The following COL11A1 variants were observed in gnomAD, a reference collection of about 807,000 sequenced individuals.
The protein encoded by COL11A1 is collagen type XI alpha 1 chain, also known as collagen alpha-1(XI) chain.
COL11A1 carries 74 observed loss-of-function variants against 265.2 expected under a neutral mutation model. That is an observed-to-expected ratio of 0.28 (90% CI 0.23 to 0.34). The LOEUF is 0.34. Among genes scored for constraint, COL11A1 ranks in the 10% least tolerant of loss-of-function variants. The pLI, the probability that COL11A1 is intolerant of heterozygous loss-of-function variation, is 1.00. For missense variants in COL11A1, 2,165 were observed against 2,263.6 expected (o/e 0.96, Z 0.88); for synonymous variants, 816 against 727.6 (o/e 1.12, Z -1.96).
At chr1:103,007,910 T>C (rs1665772660) in intron 15 of COL11A1, among the ~76,000 whole-genome samples, 1 of 150,036 alleles carries the variant, frequency 6.7e-6, no homozygotes, top group Non-Finnish European at 1.5e-5. Flanking sequence ...TTAAAGAGTA[T>C]GTAGCTTTGT....
chr1:102,930,274 C>A (rs1406223759), intron 46 of COL11A1, among the ~76,000 whole-genome samples: 1 of 151,616 alleles, frequency 6.6e-6, no homozygotes, highest in African/African-American at 2.4e-5. Context: ...CCATCAATAC[C>A]TAATTTATTG....
chr1:102,991,150 A>T (rs1664088790), intron 28 of COL11A1, among the ~76,000 whole-genome samples: 1 of 152,050 alleles, frequency 6.6e-6, no homozygotes, highest in Non-Finnish European at 1.5e-5. Context: ...GATAATGATG[A>T]TGATGTATGG....
chr1:102,893,039 A>G (rs1651965298), intron 57 of COL11A1, among the ~76,000 whole-genome samples: 1 of 152,198 alleles, frequency 6.6e-6, no homozygotes, highest in Non-Finnish European at 1.5e-5. Flanking sequence ...TCAAGTATAT[A>G]GTTATCTCCC....
intron 31 of COL11A1, among the ~76,000 whole-genome samples, chr1:102,981,122 G>A (rs940722285): frequency 6.6e-6 from 1 of 152,096 alleles, no homozygotes; most frequent in Non-Finnish European, 1.5e-5. Flanking sequence ...CCTGAAGGAT[G>A]CACTGCTAAG....
At chr1:103,064,561 G>T (rs1426227127) in intron 4 of COL11A1, among the ~76,000 whole-genome samples, 1 of 151,748 alleles carries the variant, frequency 6.6e-6, no homozygotes, top group Non-Finnish European at 1.5e-5. Flanking sequence ...CGTGGTGGTG[G>T]GTGCCTGTAG....
chr1:102,950,768 G>T (rs1046077687), intron 41 of COL11A1, among the ~76,000 whole-genome samples: 4 of 151,872 alleles, frequency 2.6e-5, no homozygotes, highest in African/African-American at 7.3e-5. Flanking sequence ...CTTAGGCTTT[G>T]TGTCCCCACC....
chr1:102,904,641 C>A (rs1653681355), intron 54 of COL11A1, among the ~76,000 whole-genome samples: 1 of 151,834 alleles, frequency 6.6e-6, no homozygotes. Flanking sequence ...TCATCACTGG[C>A]CATCAGAGAA....
chr1:102,979,291 C>G (rs1164028531), intron 32 of COL11A1, 91 bp downstream of exon 32: 5 of 1,261,770 alleles, frequency 4.0e-6, no homozygotes, highest in African/African-American at 1.5e-5. Context: ...TCCACCTGAG[C>G]CTCACAAATA....
At chr1:102,885,576 T>C (rs556551247) in intron 63 of COL11A1, among the ~76,000 whole-genome samples, 117 of 152,174 alleles carry the variant, frequency 7.7e-4, no homozygotes, top group African/African-American at 2.7e-3. Context: ...TTTTTTCAGA[T>C]TATACCATTA....
chr1:103,015,401 C>T (rs2101903436), intron 12 of COL11A1, among the ~76,000 whole-genome samples: 1 of 151,942 alleles, frequency 6.6e-6, no homozygotes. Context: ...TACTGTGACT[C>T]AGGATAAACC....
At chr1:103,007,619 A>G (rs1665738459) in intron 15 of COL11A1, among the ~76,000 whole-genome samples, 1 of 152,126 alleles carries the variant, frequency 6.6e-6, no homozygotes, top group African/African-American at 2.4e-5. Flanking sequence ...GCACTTTCGG[A>G]GGCCCAGGAG....
chr1:102,984,976 A>G (rs1663396276), intron 30 of COL11A1, among the ~76,000 whole-genome samples: 1 of 151,986 alleles, frequency 6.6e-6, no homozygotes, highest in South Asian at 2.1e-4. Flanking sequence ...TATTATCCTA[A>G]ACAATTTACT....
chr1:103,001,968 C>T lies in COL11A1; in HGVS notation c.2099G>A (p.Gly700Asp), dbSNP rs776884377. 1.2e-6 allele frequency: 2 copies of T among 1,612,426 alleles called. No homozygotes were observed. Among genetic ancestry groups the T allele is most frequent in the Non-Finnish European group, 1.7e-6 (2 of 1,178,648 alleles). Reference sequence around the variant, plus strand: ...AATTGGACCTTGTGGACCAGGAAGACCCTATTTTAAAAGAATTTATTTCAT... The same window carrying T: ...AATTGGACCTTGTGGACCAGGAAGATCCTATTTTAAAAGAATTTATTTCAT... ...PGQQGNPGPQ[G>D]LPGPQGPIGP... Residue 700 changes from glycine (G) to aspartate (D), a missense_variant and splice_region_variant, in exon 24 of 67, where the codon GGT becomes GAT. By Grantham distance (94) the Gly-to-Asp change is moderately conservative. Transcript: ENST00000370096.
At chr1:102,978,505 A>G (rs1308056644) in intron 35 of COL11A1, among the ~76,000 whole-genome samples, 2 of 152,206 alleles carry the variant, frequency 1.3e-5, no homozygotes, top group Admixed American at 6.6e-5. Context: ...TCTCATTTCT[A>G]TAACAAAATT....
At chr1:102,970,930 C>T (rs1661913654) in intron 36 of COL11A1, among the ~76,000 whole-genome samples, 1 of 152,066 alleles carries the variant, frequency 6.6e-6, no homozygotes, top group African/African-American at 2.4e-5. Context: ...AGGGGAATCC[C>T]TTGAACCTGG....
chr1:102,886,675 GAAGATAA>G, intron 63 of COL11A1, 125 bp downstream of exon 63: 1 of 1,303,622 alleles, frequency 7.7e-7, no homozygotes. Context: ...TTTCTGTCTA[GAAGATAA>G]TTAATAACTG....
intron 45 of COL11A1, 40 bp from the exon 46 acceptor site, chr1:102,934,596 A>G (rs762715682): frequency 4.1e-6 from 6 of 1,449,742 alleles, no homozygotes; most frequent in African/African-American, 1.4e-5. Flanking sequence ...ACTGGAAAAA[A>G]TCATTACGAT....
intron 20 of COL11A1, 145 bp from the exon 21 acceptor site, chr1:103,003,413 A>G (rs1665317690): frequency 1.4e-5 from 12 of 872,484 alleles, no homozygotes; most frequent in Non-Finnish European, 1.8e-6. Flanking sequence ...TGATGTCCAT[A>G]ACATAAATAT....
At chr1:103,065,583 A>T (rs1451152732) in intron 4 of COL11A1, among the ~76,000 whole-genome samples, 3 of 145,320 alleles carry the variant, frequency 2.1e-5, no homozygotes, top group African/African-American at 7.6e-5. Context: ...CAAAAAAAAT[A>T]GCAACAAAGG....
Sources: gnomAD v4.1 joint callset for allele counts (sites outside exome capture counted in the v4.1 genomes callset) on GRCh38, gnomAD v4.1.1 for gene constraint, MANE v1.5 for transcripts, NCBI Gene and HGNC (gene_info 2026-07-23, HGNC 2026-07-21) for gene names.